The following ACADS variants were observed in gnomAD, a reference collection of about 807,000 sequenced individuals.
The protein encoded by ACADS is acyl-CoA dehydrogenase short chain.
A neutral mutation model predicts 46.8 loss-of-function variants in ACADS; 28 were observed. The observed-to-expected ratio is 0.60, with a 90% CI of 0.44 to 0.82. ACADS has a LOEUF of 0.82. Among genes scored for constraint, ACADS ranks in the 40% least tolerant of loss-of-function variants. The pLI is 0.00. For synonymous variants in ACADS, 236 were observed against 237.7 expected, an observed-to-expected ratio of 0.99 and a Z score of 0.07; for missense variants, 528 against 578.0, an observed-to-expected ratio of 0.91 and a Z score of 0.89.
In ACADS at chr12:120,739,585, C is replaced by A. The variant is rs1209972827; in HGVS notation, c.*137C>A. On this transcript the variant is annotated 3_prime_UTR_variant, in exon 10 of 10. Coordinates refer to ENST00000242592, the MANE Select transcript of ACADS (RefSeq NM_000017.4). ...ATGGGCTCAGTGCTGCCACCCAGAT[C>A]AGATCACATGGGAATGAGGCCCTCC... 11 of 1,004,894 alleles carry A rather than the reference C, an allele frequency of 1.1e-5. 1 individual carries two copies. In the South Asian group the frequency reaches 1.6e-4, roughly 14 times the overall value. The allele number at this position is 1,004,894 out of a possible 1,614,324, so 62.2% of individuals were successfully genotyped here. A position where few individuals can be genotyped will look rare whatever the true frequency, so the allele number is the denominator to read the frequency against.
Position 120,737,100 on chromosome 12 carries a change from TGCG to T in ACADS, c.326_328del (p.Cys109_Ala110delinsSer), listed in dbSNP as rs1346829948. The T allele has an allele frequency of 3.1e-6, 5 of 1,593,534 alleles. No individual in the cohort carries two copies. The African/African-American group carries it at 6.7e-5, about 21-fold the overall frequency. On this transcript the variant is annotated inframe_deletion, in exon 3 of 10. Transcript: ENST00000242592. ...CGCCATGGAGGAGATCAGCCGTGGC[TGCG>T]CCTCCACCGGAGTCATCATGAGTGT...
At chr12:120,727,402 T>C (rs1472946492) in intron 2 of ACADS, among the ~76,000 whole-genome samples, 1 of 152,242 alleles carries the variant, frequency 6.6e-6, no homozygotes, top group Non-Finnish European at 1.5e-5. Flanking sequence ...TGGTGGATGG[T>C]CAGTTGCTTA....
intron 2 of ACADS, among the ~76,000 whole-genome samples, chr12:120,729,393 T>C (rs12425598): frequency 0.017 from 2,645 of 151,356 alleles, 35 homozygotes; most frequent in Admixed American, 0.045. Context: ...AGGTAGCTGG[T>C]ACTACAGGTG....
rs1274662633 is a variant in ACADS at position 120,739,450 on chromosome 12, C to T, written c.*2C>T. On this transcript the variant is annotated 3_prime_UTR_variant, in exon 10 of 10. Transcript: ENST00000242592. ...CTGCTCAGGAGCTACCGGAGCTGAG[C>T]CCGCGGCGGACTGCCCCAGGACTGC... 4 of 1,607,052 alleles carry T rather than the reference C, an allele frequency of 2.5e-6. No individual in the cohort carries two copies. The highest frequency in any genetic ancestry group is 1.1e-5 in the South Asian group (1 of 90,956).
intron 1 of ACADS, 74 bp from the exon 2 acceptor site, chr12:120,726,952 T>G (rs1883102507): frequency 6.9e-5 from 108 of 1,566,404 alleles, no homozygotes; most frequent in Non-Finnish European, 8.7e-5. Context: ...TCCTCCCTGG[T>G]GAGTTAGTGG....
rs1016100271 is a variant in ACADS at position 120,728,519 on chromosome 12, A to G, written c.210+1330A>G. ...TTTAATTTATTTTTTATTTTTAAAA[A>G]TTTTTTGAGACAGTCTTGCTCTGTC... On this transcript the variant is annotated intron_variant, in intron 2 of 9. Coordinates refer to ENST00000242592, the MANE Select transcript of ACADS (RefSeq NM_000017.4). This position sits in a 1 kb window ranked among gnomAD's most constrained non-coding sequence, Gnocchi z 4.0. 6.6e-6 allele frequency among the ~76,000 whole-genome samples: 1 copy of G among 150,640 alleles called. No individual in the cohort carries two copies. The highest frequency in any genetic ancestry group is 1.5e-5 in the Non-Finnish European group (1 of 67,762).
At position 120,736,542 on chromosome 12, in the gene ACADS, G is replaced by C. The variant is rs180830526; in HGVS notation, c.211-444G>C. 1.5e-3 allele frequency among the ~76,000 whole-genome samples: 229 copies of C among 152,322 alleles called. 1 individual carries two copies. Among genetic ancestry groups the C allele is most frequent in the African/African-American group, 5.3e-3 (220 of 41,558 alleles). On this transcript the variant is annotated intron_variant, in intron 2 of 9. Transcript: ENST00000242592. ...CCCAAAGCAGCGAGGCCTGAGCTGCGATCAGAAGGAGAGGAGGGGCAATAA... is the reference window on the plus strand; with the variant it reads ...CCCAAAGCAGCGAGGCCTGAGCTGCCATCAGAAGGAGAGGAGGGGCAATAA...
intron 2 of ACADS, among the ~76,000 whole-genome samples, chr12:120,730,799 C>CTG (rs3838807): frequency 0.6 from 90,639 of 151,844 alleles, 29,905 homozygotes; most frequent in African/African-American, 0.89. Context: ...GGGTGTGTCT[C>CTG]TGTCCAGGGA....
chr12:120,725,994 T>A, intron 1 of ACADS, 63 bp downstream of exon 1: 1 of 1,460,312 alleles, frequency 6.8e-7, no homozygotes, highest in Non-Finnish European at 9.0e-7. Context: ...CGGGCGGAGG[T>A]CCTGGCGGCC....
intron 8 of ACADS, 64 bp downstream of exon 8, chr12:120,738,979 G>A: frequency 6.2e-7 from 1 of 1,602,684 alleles, no homozygotes; most frequent in South Asian, 1.1e-5. Flanking sequence ...GGGAGAGGTT[G>A]GGGCGGGTCT....
intron 2 of ACADS, among the ~76,000 whole-genome samples, chr12:120,734,863 T>C (rs1883376112): frequency 6.6e-6 from 1 of 150,964 alleles, no homozygotes; most frequent in Admixed American, 6.6e-5. Context: ...GCAATTCTCC[T>C]GCCTCAGCCT....
At chr12:120,739,049 G>A (rs1883563016) in intron 8 of ACADS, 91 bp from the exon 9 acceptor site, 4 of 1,601,002 alleles carry the variant, frequency 2.5e-6, no homozygotes, top group East Asian at 4.5e-5. Context: ...CCATGGGGAG[G>A]CTCCACAGGC....
At chr12:120,732,590 C>T (rs1192928736) in intron 2 of ACADS, among the ~76,000 whole-genome samples, 3 of 148,182 alleles carry the variant, frequency 2.0e-5, no homozygotes, top group South Asian at 2.2e-4. Context: ...GACGGGGTCG[C>T]GGCCGGGCAG....
chr12:120,736,841 A>G, intron 2 of ACADS, 145 bp from the exon 3 acceptor site: 1 of 1,034,116 alleles, frequency 9.7e-7, no homozygotes. Flanking sequence ...CAGCTTCTGG[A>G]CTTGGGGATC....
chr12:120,729,258 C>CTTTTTTTTTTT (rs137894149), intron 2 of ACADS, among the ~76,000 whole-genome samples: 1 of 123,104 alleles, frequency 8.1e-6, no homozygotes. Flanking sequence ...TTTCTTTTTT[C>CTTTTTTTTTTT]TTTTTTTTTT....
At position 120,737,394 on chromosome 12, in the gene ACADS, G is replaced by A. The variant is rs1883487367; in HGVS notation, c.399G>A (p.Lys133=). 1 of 1,614,194 alleles carries A rather than the reference G, an allele frequency of 6.2e-7. No individual in the cohort carries two copies. Among genetic ancestry groups the A allele is most frequent in the Non-Finnish European group, 8.5e-7 (1 of 1,180,034 alleles). ...YLGPILKFGS[K]EQKQAWVTPF... ...GGCCCATCTTGAAGTTTGGCTCCAA[G>A]GAGCAGAAGCAGGCGTGGGTCACGC... The change falls in exon 4 of 10, where the codon AAG becomes AAA. Residue 133 remains lysine (K), a synonymous_variant. Coordinates refer to ENST00000242592, the MANE Select transcript of ACADS (RefSeq NM_000017.4).
rs202078273 is a variant in ACADS, at chr12:120,739,164, G to A, written c.1054G>A (p.Ala352Thr). The part of the protein sequence containing the change: ...IKEAAMAKLA[A>T]SEAATAISHQ... Reference sequence around the variant, plus strand: ...GGAGGCAGCCATGGCCAAGCTGGCCGCCTCGGAGGCCGCGACCGCCATCAG... The same window carrying A: ...GGAGGCAGCCATGGCCAAGCTGGCCACCTCGGAGGCCGCGACCGCCATCAG... The change falls in exon 9 of 10, where the codon GCC becomes ACC. Residue 352 changes from alanine (A) to threonine (T), a missense_variant. Physicochemically the swap from Ala to Thr is moderately conservative, Grantham distance 58. Transcript: ENST00000242592. 3.3e-5 allele frequency: 53 copies of A among 1,612,928 alleles called. No homozygotes were observed. Among genetic ancestry groups the A allele is most frequent in the Middle Eastern group, 1.6e-4 (1 of 6,084 alleles).
chr12:120,738,153 C>T (rs764151418), intron 5 of ACADS, 127 bp from the exon 6 acceptor site: 94 of 1,572,026 alleles, frequency 6.0e-5, no homozygotes, highest in African/African-American at 1.2e-4. Flanking sequence ...CCCCAGAAGC[C>T]GGCAGAGGGT....
At chr12:120,727,559 G>A (rs978826580) in intron 2 of ACADS, among the ~76,000 whole-genome samples, 2 of 152,136 alleles carry the variant, frequency 1.3e-5, no homozygotes, top group Non-Finnish European at 1.5e-5. Context: ...TTTTTGAGAC[G>A]GAGTTTCACT....
Sources: allele counts gnomAD v4.1 joint callset (sites outside exome capture counted in the v4.1 genomes callset), GRCh38; gene constraint gnomAD v4.1.1; non-coding constraint Gnocchi (gnomAD v3.1); transcripts MANE v1.5; gene names NCBI Gene and HGNC (gene_info 2026-07-23, HGNC 2026-07-21).